Variants in CTNNA2 observed in about 807,000 individuals in gnomAD.
The protein encoded by CTNNA2 is catenin alpha-2.
In CTNNA2, 42 loss-of-function variants were observed where a neutral mutation model predicts 101.0. That is an observed-to-expected ratio of 0.42 (90% CI 0.32 to 0.54). The LOEUF (loss-of-function observed/expected upper bound fraction) is 0.54, where lower values mean the gene tolerates loss of function less well. CTNNA2 is among the 20% of genes least tolerant of loss of function. The probability of loss-of-function intolerance (pLI) is 0.14; values close to 1 mark genes in which losing one functional copy is unlikely to be tolerated. For missense variants in CTNNA2, 871 were observed against 1,223.1 expected, an observed-to-expected ratio of 0.71 and a Z score of 4.29; for synonymous variants, 450 against 456.4, an observed-to-expected ratio of 0.99 and a Z score of 0.18.
At chr2:79,378,667 A>G (rs2104461131) in intron 4 of CTNNA2, among the ~76,000 whole-genome samples, 1 of 152,260 alleles carries the variant, frequency 6.6e-6, no homozygotes, top group Admixed American at 6.5e-5. Flanking sequence ...CCAAAAGCTG[A>G]ACTTTTACTT....
chr2:80,375,356 T>C (rs1675842021), intron 7 of CTNNA2, among the ~76,000 whole-genome samples: 1 of 151,998 alleles, frequency 6.6e-6, no homozygotes, highest in South Asian at 2.1e-4. Context: ...GTTTGGTTCT[T>C]ATAAACCTGG....
At chr2:80,521,649 G>A (rs1559177986) in intron 9 of CTNNA2, among the ~76,000 whole-genome samples, 2 of 152,144 alleles carry the variant, frequency 1.3e-5, no homozygotes, top group Non-Finnish European at 2.9e-5. Flanking sequence ...ATAAAAAGGA[G>A]CTAGGAGCCA....
Position 79,846,256 on chromosome 2 carries a change from T to C in CTNNA2, c.299-11757T>C, listed in dbSNP as rs115731702. Among the ~76,000 whole-genome samples, 826 of 152,328 alleles carry C rather than the reference T, an allele frequency of 5.4e-3. 7 individuals carry two copies. Among genetic ancestry groups the C allele is most frequent in the African/African-American group, 0.019 (791 of 41,584 alleles). On this transcript the variant is annotated intron_variant, in intron 3 of 18. Transcript: ENST00000402739. ...CTCATTCTGAGAATTGTTCCTGTGC[T>C]TTGTTTAGCCAAAGACTCCTTTAGA...
chr2:80,344,080 A>C (rs1317676227), intron 7 of CTNNA2, among the ~76,000 whole-genome samples: 1 of 152,122 alleles, frequency 6.6e-6, no homozygotes, highest in African/African-American at 2.4e-5. Flanking sequence ...GAAGGTCCTG[A>C]ATCCAATGGA....
At chr2:80,160,898 T>C (rs1490629199) in intron 7 of CTNNA2, among the ~76,000 whole-genome samples, 1 of 152,148 alleles carries the variant, frequency 6.6e-6, no homozygotes, top group African/African-American at 2.4e-5. Flanking sequence ...ACTATAGTTT[T>C]TTTTTTTGGT....
chr2:79,290,622 A>G (rs931860299), intron 2 of CTNNA2, among the ~76,000 whole-genome samples: 7 of 152,118 alleles, frequency 4.6e-5, no homozygotes, highest in African/African-American at 1.7e-4. Flanking sequence ...ATCGAGAGGA[A>G]TGCACTAGTT....
chr2:80,557,102 A>T (rs1428863454), intron 12 of CTNNA2, among the ~76,000 whole-genome samples: 1 of 152,236 alleles, frequency 6.6e-6, no homozygotes, highest in Non-Finnish European at 1.5e-5. Context: ...TTTAAAATAT[A>T]AGCAGAAACA....
intron 4 of CTNNA2, among the ~76,000 whole-genome samples, chr2:79,396,713 T>C (rs2104476938): frequency 6.6e-6 from 1 of 152,276 alleles, no homozygotes; most frequent in Non-Finnish European, 1.5e-5. Context: ...TAATAATAAA[T>C]ATTATACCAA....
intron 15 of CTNNA2, among the ~76,000 whole-genome samples, chr2:80,593,610 T>C (rs1696700502): frequency 6.6e-6 from 1 of 152,172 alleles, no homozygotes; most frequent in African/African-American, 2.4e-5. Flanking sequence ...CTCCAGAACA[T>C]GTTCATCTTC....
chr2:80,177,741 C>T (rs2083884), intron 7 of CTNNA2, among the ~76,000 whole-genome samples: 6 of 152,044 alleles, frequency 3.9e-5, no homozygotes, highest in Admixed American at 6.6e-5. Context: ...GACCACTCAG[C>T]GAGGTCCATC....
chr2:80,453,197 C>T lies in CTNNA2; in HGVS notation c.1290+33596C>T, dbSNP rs561150215. 6.6e-5 allele frequency among the ~76,000 whole-genome samples: 10 copies of T among 152,144 alleles called. No individual in the cohort carries two copies. The East Asian group carries it at 1.2e-3, about 18-fold the overall frequency. Reference sequence around the variant, plus strand: ...GGTGAAATCAAATCTCCTAACACACCGTCATCTAGCTTTGCCTTGCTCAGG... The same window carrying T: ...GGTGAAATCAAATCTCCTAACACACTGTCATCTAGCTTTGCCTTGCTCAGG... On this transcript the variant is annotated intron_variant, in intron 9 of 18. Coordinates refer to ENST00000402739, the MANE Select transcript of CTNNA2 (RefSeq NM_001282597.3).
At chr2:79,799,536 A>T (rs1675996179) in intron 3 of CTNNA2, among the ~76,000 whole-genome samples, 1 of 152,208 alleles carries the variant, frequency 6.6e-6, no homozygotes, top group South Asian at 2.1e-4. Context: ...AAAATACTGC[A>T]GAAATTTAAA....
intron 3 of CTNNA2, among the ~76,000 whole-genome samples, chr2:79,762,452 C>A (rs1035003936): frequency 6.6e-6 from 1 of 152,054 alleles, no homozygotes; most frequent in East Asian, 1.9e-4. Context: ...CATGACATTG[C>A]GTAAAAGGTG....
chr2:79,931,041 T>C (rs1687405912), intron 7 of CTNNA2, among the ~76,000 whole-genome samples: 1 of 152,234 alleles, frequency 6.6e-6, no homozygotes. Flanking sequence ...CTGGTGATTT[T>C]GATTAGACAA....
chr2:79,935,969 C>T (rs1194712609), intron 7 of CTNNA2, among the ~76,000 whole-genome samples: 1 of 152,168 alleles, frequency 6.6e-6, no homozygotes, highest in East Asian at 1.9e-4. Context: ...GCAACCGTTT[C>T]CCGTGTAATT....
At chr2:80,014,977 T>C (rs1694043278) in intron 7 of CTNNA2, among the ~76,000 whole-genome samples, 1 of 152,178 alleles carries the variant, frequency 6.6e-6, no homozygotes, top group African/African-American at 2.4e-5. Flanking sequence ...CAAAATTATC[T>C]CTAGGTTTTC....
chr2:79,536,187 A>G (rs1414168152), intron 1 of CTNNA2, among the ~76,000 whole-genome samples: 2 of 152,238 alleles, frequency 1.3e-5, no homozygotes, highest in Non-Finnish European at 2.9e-5. Context: ...TCACATTGCC[A>G]GCCTCACTTT....
intron 3 of CTNNA2, among the ~76,000 whole-genome samples, chr2:79,755,087 A>G (rs1672307050): frequency 6.6e-6 from 1 of 151,952 alleles, no homozygotes; most frequent in South Asian, 2.1e-4. Flanking sequence ...GTGCTTTGGG[A>G]TGCTAAGGTG....
At position 80,084,054 on chromosome 2, in the gene CTNNA2, T is replaced by TC. The variant is rs201039895; in HGVS notation, c.1056+174261dup. Among the ~76,000 whole-genome samples the TC allele has an allele frequency of 8.8e-3, 1,335 of 152,168 alleles. 20 individuals carry two copies. The highest frequency in any genetic ancestry group is 0.03 in the African/African-American group (1,260 of 41,524). On this transcript the variant is annotated intron_variant, in intron 7 of 18. Transcript: ENST00000402739. ...TCTGCACCAACCCAATCTCCTGGGC[T>TC]CCCCTGGAATCACGTTCTCTAAGTA...
Sources: allele counts gnomAD v4.1 joint callset (sites outside exome capture counted in the v4.1 genomes callset), GRCh38; gene constraint gnomAD v4.1.1; transcripts MANE v1.5; gene names NCBI Gene and HGNC (gene_info 2026-07-23, HGNC 2026-07-21).